Variants in NFATC2 observed in about 807,000 individuals in gnomAD.
The protein encoded by NFATC2 is nuclear factor of activated T cells 2.
A neutral mutation model predicts 87.3 loss-of-function variants in NFATC2; 22 were observed. That is an observed-to-expected ratio of 0.25 (90% CI 0.18 to 0.36). The LOEUF (loss-of-function observed/expected upper bound fraction) is 0.36, where lower values mean the gene tolerates loss of function less well. NFATC2 is among the 10% of genes least tolerant of loss of function. The probability of loss-of-function intolerance (pLI) is 1.00; values close to 1 mark genes in which losing one functional copy is unlikely to be tolerated. For synonymous variants in NFATC2, 565 were observed against 542.2 expected (o/e 1.04, Z -0.58); for missense variants, 1,149 against 1,259.1 (o/e 0.91, Z 1.32).
At chr20:51,507,595 C>T (rs1017030871) in intron 3 of NFATC2, among the ~76,000 whole-genome samples, 13 of 152,220 alleles carry the variant, frequency 8.5e-5, no homozygotes, top group African/African-American at 3.1e-4. Flanking sequence ...GCCTGACAGA[C>T]GTAAGTCTAC....
At chr20:51,451,758 C>T (rs1003274047) in intron 6 of NFATC2, among the ~76,000 whole-genome samples, 3 of 152,256 alleles carry the variant, frequency 2.0e-5, no homozygotes, top group African/African-American at 4.8e-5. Flanking sequence ...CTGTAAACTG[C>T]GCTTGCCAGG....
At chr20:51,409,227 G>A (rs1361796548) in intron 9 of NFATC2, among the ~76,000 whole-genome samples, 1 of 152,166 alleles carries the variant, frequency 6.6e-6, no homozygotes, top group Non-Finnish European at 1.5e-5. Flanking sequence ...AACTCTGCTT[G>A]TCAGTATAAC....
rs6021269 is a variant in NFATC2 at position 51,524,633 on chromosome 20, C to T, written c.131-523G>A. ...CTATGGCAGCACTCTACACACATGACGTGGACGCAGGACACAGAGGGAGGC... is the reference window on the plus strand; with the variant it reads ...CTATGGCAGCACTCTACACACATGATGTGGACGCAGGACACAGAGGGAGGC... On this transcript the variant is annotated intron_variant, in intron 1 of 10. Transcript: ENST00000371564. This position sits in a 1 kb window ranked among gnomAD's most constrained non-coding sequence, Gnocchi z 4.0. 0.056 allele frequency among the ~76,000 whole-genome samples: 8,594 copies of T among 152,132 alleles called. 278 individuals carry two copies. The highest frequency in any genetic ancestry group is 0.095 in the Middle Eastern group (28 of 294).
chr20:51,444,130 T>G (rs995994032), intron 6 of NFATC2, among the ~76,000 whole-genome samples: 2 of 152,088 alleles, frequency 1.3e-5, no homozygotes, highest in African/African-American at 4.8e-5. Flanking sequence ...TACAGGCACA[T>G]GCCACCACGG....
chr20:51,479,204 TA>T (rs1488466388), intron 3 of NFATC2, among the ~76,000 whole-genome samples: 1 of 152,230 alleles, frequency 6.6e-6, no homozygotes, highest in African/African-American at 2.4e-5. Context: ...TTTCCTTGTT[TA>T]GTTAGTTATT....
At chr20:51,514,523 T>G (rs985578622) in intron 3 of NFATC2, among the ~76,000 whole-genome samples, 4 of 152,156 alleles carry the variant, frequency 2.6e-5, no homozygotes, top group Admixed American at 6.5e-5. Flanking sequence ...AATGTTAGAA[T>G]TACAAGTAGT....
chr20:51,438,171 C>A (rs894822777), intron 6 of NFATC2, among the ~76,000 whole-genome samples: 2 of 152,176 alleles, frequency 1.3e-5, no homozygotes, highest in Non-Finnish European at 2.9e-5. Flanking sequence ...GACCACCCAA[C>A]AGAGACACAT....
At chr20:51,423,017 G>A (rs1257356493) in intron 9 of NFATC2, among the ~76,000 whole-genome samples, 1 of 151,430 alleles carries the variant, frequency 6.6e-6, no homozygotes, top group Non-Finnish European at 1.5e-5. Context: ...GCTGGGCACA[G>A]TGGCTCACGC....
At chr20:51,401,601 A>G (rs1450174424) in intron 9 of NFATC2, among the ~76,000 whole-genome samples, 1 of 152,112 alleles carries the variant, frequency 6.6e-6, no homozygotes, top group Non-Finnish European at 1.5e-5. Flanking sequence ...GACTTACTAC[A>G]TGGTCCCTAA....
At chr20:51,485,068 C>T (rs191230609) in intron 3 of NFATC2, among the ~76,000 whole-genome samples, 315 of 152,280 alleles carry the variant, frequency 2.1e-3, no homozygotes, top group Non-Finnish European at 3.5e-3. Flanking sequence ...ACATATCTAC[C>T]GCATAGCAAG....
In NFATC2 at chr20:51,387,711, G is replaced by A. The variant is rs577468598; in HGVS notation, c.*3785C>T. On this transcript the variant is annotated 3_prime_UTR_variant, in exon 11 of 11. Coordinates refer to ENST00000371564, the MANE Select transcript of NFATC2 (RefSeq NM_012340.5). Reference sequence around the variant, plus strand: ...GGAGACCCAAGGTTAAGATGCGCTGGGTCACCGAGCACCTTGCCTCCGGGA... The same window carrying A: ...GGAGACCCAAGGTTAAGATGCGCTGAGTCACCGAGCACCTTGCCTCCGGGA... The A allele has an allele frequency of 6.6e-6, 1 of 152,264 alleles. No homozygotes were observed. Among genetic ancestry groups the A allele is most frequent in the Non-Finnish European group, 1.5e-5 (1 of 68,024 alleles). 9.4% of individuals were successfully genotyped at this position (152,264 alleles called of 1,614,324 possible).
intron 6 of NFATC2, among the ~76,000 whole-genome samples, chr20:51,442,617 CCTTCATGCCTTT>C (rs1984503587): frequency 1.3e-5 from 2 of 152,068 alleles, no homozygotes; most frequent in South Asian, 4.1e-4. Flanking sequence ...TGAGGTGAGA[CCTTCATGCCTTT>C]CTTCACTGAT....
chr20:51,555,284 C>G (rs2076967821), intron 1 of NFATC2, among the ~76,000 whole-genome samples: 1 of 152,192 alleles, frequency 6.6e-6, no homozygotes, highest in South Asian at 2.1e-4. Flanking sequence ...CAGGAATGAA[C>G]TTCAGACTCC....
chr20:51,542,456 G>A lies in NFATC2; in HGVS notation c.44C>T (p.Ala15Val). The A allele has an allele frequency of 1.3e-6, 2 of 1,575,102 alleles. No homozygotes were observed. Among genetic ancestry groups the A allele is most frequent in the Non-Finnish European group, 1.7e-6 (2 of 1,164,614 alleles). ...GCTGCCCCCAGGCTCGTGGCCTGGGGCGTCCCCGCCGTCGGGTTGGGGCTG... is the reference window on the plus strand; with the variant it reads ...GCTGCCCCCAGGCTCGTGGCCTGGGACGTCCCCGCCGTCGGGTTGGGGCTG... ...ERQPQPDGGD[A>V]PGHEPGGSPQ... The change falls in exon 1 of 11, where the codon GCC (alanine) becomes GTC (valine). Residue 15 changes from alanine (A) to valine (V), a missense_variant. By Grantham distance (64) the Ala-to-Val change is moderately conservative (BLOSUM62 0). Transcript: ENST00000371564.
At chr20:51,411,208 C>T (rs1218408126) in intron 9 of NFATC2, among the ~76,000 whole-genome samples, 2 of 152,140 alleles carry the variant, frequency 1.3e-5, no homozygotes, top group African/African-American at 2.4e-5. Flanking sequence ...GCAGGTAGCA[C>T]GTGGCCGAGC....
intron 6 of NFATC2, among the ~76,000 whole-genome samples, chr20:51,437,572 C>T (rs1267892356): frequency 6.6e-6 from 1 of 152,100 alleles, no homozygotes; most frequent in African/African-American, 2.4e-5. Context: ...CATACTCCCA[C>T]CCACCTCCCC....
chr20:51,399,388 G>A (rs943534358), intron 9 of NFATC2, among the ~76,000 whole-genome samples: 7 of 152,306 alleles, frequency 4.6e-5, no homozygotes, highest in East Asian at 3.9e-4. Flanking sequence ...CCCTTTGGCC[G>A]AATTGGAATA....
intron 1 of NFATC2, among the ~76,000 whole-genome samples, chr20:51,553,185 T>A (rs1302062254): frequency 6.6e-6 from 1 of 152,130 alleles, no homozygotes; most frequent in Non-Finnish European, 1.5e-5. Context: ...CCCTCCTCCG[T>A]TTGCCCCAGC....
At chr20:51,428,618 G>A (rs60204784) in intron 9 of NFATC2, among the ~76,000 whole-genome samples, 3,202 of 152,278 alleles carry the variant, frequency 0.021, 140 homozygotes, top group African/African-American at 0.072. Flanking sequence ...CACTGGCCAA[G>A]GTGCAGGAAA....
Sources: allele counts gnomAD v4.1 joint callset (sites outside exome capture counted in the v4.1 genomes callset), GRCh38; gene constraint gnomAD v4.1.1; non-coding constraint Gnocchi (gnomAD v3.1); transcripts MANE v1.5; gene names NCBI Gene and HGNC (gene_info 2026-07-23, HGNC 2026-07-21).